The following MTMR10 variants were observed in gnomAD, a reference collection of about 807,000 sequenced individuals.
MTMR10 encodes the protein myotubularin related protein 10.
Under a neutral mutation model 88.1 loss-of-function variants are expected in MTMR10, and 56 were observed. The observed-to-expected ratio is 0.64, with a 90% CI of 0.51 to 0.79. The LOEUF is 0.79. MTMR10 is among the 30% of genes least tolerant of loss of function. The pLI, the probability that MTMR10 is intolerant of heterozygous loss-of-function variation, is 0.00. For synonymous variants in MTMR10, 380 were observed against 340.9 expected (o/e 1.11, Z -1.26); for missense variants, 883 against 924.7 (o/e 0.95, Z 0.58).
chr15:30,937,128 G>A (rs1566937179), downstream of MTMR10: 1 of 1,608,730 alleles, frequency 6.2e-7, no homozygotes, highest in South Asian at 1.1e-5. Context: ...GCTGGTGGAA[G>A]TTAAAGGCCC....
rs1481980673 is a variant in MTMR10, at chr15:30,974,440, C to T, written c.348G>A (p.Arg116=). The T allele has an allele frequency of 6.5e-7, 1 of 1,545,384 alleles. No individual in the cohort carries two copies. The highest frequency in any genetic ancestry group is 1.9e-5 in the Admixed American group (1 of 51,468). ...GGTTGGGGCCTAGGACTTTCTGCTT[C>T]CTCTTGTGGTCGTTTACTAAAAAAG... ...EQIVTVNDHK[R]KQKVLGPNQK... Residue 116 remains arginine, a synonymous_variant, in exon 5 of 16, where the codon AGG becomes AGA. Transcript: ENST00000435680.
chr15:30,981,413 G>T (rs1052768020), intron 2 of MTMR10, among the ~76,000 whole-genome samples: 5 of 152,118 alleles, frequency 3.3e-5, no homozygotes, highest in African/African-American at 1.2e-4. Context: ...TTGATGTCTT[G>T]TGCCTGCTCA....
At position 30,939,118 on chromosome 15, in the gene MTMR10, A is replaced by G. The variant is rs774278582; in HGVS notation, c.*2352T>C. On this transcript the variant is annotated 3_prime_UTR_variant, in exon 16 of 16. Transcript: ENST00000435680. ...TTTAACCACTTGAGGTTACTACTGC[A>G]GCAAGCAGATTTTGTTGACAAATGT... The G allele has an allele frequency of 2.4e-5, 24 of 985,360 alleles. No individual in the cohort carries two copies. The highest frequency in any genetic ancestry group is 2.5e-5 in the Non-Finnish European group (21 of 829,932). The allele number at this position is 985,360 out of a possible 1,614,324, so 61.0% of individuals were successfully genotyped here.
chr15:30,976,470 G>C (rs1194447168), intron 3 of MTMR10, among the ~76,000 whole-genome samples: 58 of 152,042 alleles, frequency 3.8e-4, no homozygotes, highest in Non-Finnish European at 7.4e-5. Context: ...AAAATGTGTG[G>C]CATTTATAAA....
intron 13 of MTMR10, among the ~76,000 whole-genome samples, 152 bp from the exon 14 acceptor site, chr15:30,947,452 T>C (rs572256401): frequency 6.6e-6 from 1 of 152,252 alleles, no homozygotes; most frequent in Non-Finnish European, 1.5e-5. Context: ...TATACACATC[T>C]ATCAAACCCA....
In MTMR10 at chr15:30,979,402, A is replaced by C. The variant is rs544247764; in HGVS notation, c.122-2447T>G. 3.9e-5 allele frequency among the ~76,000 whole-genome samples: 6 copies of C among 152,136 alleles called. No homozygotes were observed. In the East Asian group the frequency reaches 1.2e-3, roughly 29 times the overall value. ...TGGTGAAACCCATCTCTATTAAAAA[A>C]AAAAAAAATTTAGCCAGGCGTGGTG... On this transcript the variant is annotated intron_variant, in intron 2 of 15. Coordinates refer to ENST00000435680, the MANE Select transcript of MTMR10 (RefSeq NM_017762.3).
intron 12 of MTMR10, 39 bp downstream of exon 12, chr15:30,951,929 T>C (rs762705141): frequency 6.4e-7 from 1 of 1,550,706 alleles, no homozygotes; most frequent in Non-Finnish European, 8.9e-7. Context: ...GGCTGGCTGG[T>C]ATGGTGGTCA....
At chr15:30,963,650 CAGAT>C (rs1293547873) in intron 6 of MTMR10, among the ~76,000 whole-genome samples, 7 of 147,846 alleles carry the variant, frequency 4.7e-5, no homozygotes, top group South Asian at 4.5e-4. Flanking sequence ...AATAAATAGA[CAGAT>C]AGATAGATAG....
chr15:30,936,885 C>T (rs776358155), downstream of MTMR10, among the ~76,000 whole-genome samples: 4 of 152,110 alleles, frequency 2.6e-5, no homozygotes, highest in Non-Finnish European at 5.9e-5. Context: ...AAGATCAACA[C>T]TCAGAGTATG....
At chr15:30,970,615 C>T (rs544262128) in intron 5 of MTMR10, among the ~76,000 whole-genome samples, 279 of 152,282 alleles carry the variant, frequency 1.8e-3, no homozygotes, top group Non-Finnish European at 3.1e-3. Flanking sequence ...CTATCACATT[C>T]TCCAAAACAA....
At chr15:30,937,082 A>G, downstream of MTMR10, 1 of 1,580,638 alleles carries the variant, frequency 6.3e-7, no homozygotes, top group Admixed American at 1.8e-5. Context: ...TCATTCAGTA[A>G]GATACTAATA....
At chr15:30,962,105 T>G (rs1370134748) in intron 6 of MTMR10, among the ~76,000 whole-genome samples, 1 of 152,230 alleles carries the variant, frequency 6.6e-6, no homozygotes. Flanking sequence ...TGTTCTTTGC[T>G]AGAGTGCTGT....
At chr15:30,978,812 T>G (rs2030347514) in intron 2 of MTMR10, among the ~76,000 whole-genome samples, 1 of 152,188 alleles carries the variant, frequency 6.6e-6, no homozygotes, top group South Asian at 2.1e-4. Context: ...TTAAATGTAC[T>G]GCAGTGTAGC....
At chr15:30,925,230 G>C in the MTMR10 span, 1 of 1,614,130 alleles carries the variant, frequency 6.2e-7, no homozygotes, top group Non-Finnish European at 8.5e-7. Flanking sequence ...TCTCCGAGCT[G>C]TAAAAAGTTC....
rs186418869 is a variant in MTMR10 at position 30,941,528 on chromosome 15, T to C, written c.2276A>G (p.Lys759Arg). Residue 759 changes from lysine to arginine, a missense_variant, in exon 16 of 16, where the codon AAA becomes AGA. Transcript: ENST00000435680. ...RRSILGTPLS[K>R]FLSGAKIWLS... Reference sequence around the variant, plus strand: ...CCATATTTTGGCCCCACTTAAAAATTTGCTTAATGGTGTTCCTAAAATGCT... The same window carrying C: ...CCATATTTTGGCCCCACTTAAAAATCTGCTTAATGGTGTTCCTAAAATGCT... 637 of 1,610,478 alleles carry C rather than the reference T, an allele frequency of 4.0e-4. 1 individual carries two copies. The highest frequency in any genetic ancestry group is 5.1e-4 in the Non-Finnish European group (603 of 1,178,126).
downstream of MTMR10, among the ~76,000 whole-genome samples, chr15:30,937,878 G>GT (rs959120094): frequency 1.1e-4 from 17 of 150,910 alleles, no homozygotes; most frequent in South Asian, 8.6e-4. Context: ...TCATCTTTAG[G>GT]TTTTTTTTAT....
chr15:30,976,581 T>A (rs149466742), intron 3 of MTMR10, among the ~76,000 whole-genome samples: 1 of 152,240 alleles, frequency 6.6e-6, no homozygotes, highest in Non-Finnish European at 1.5e-5. Flanking sequence ...GGACATATAA[T>A]GAACGATCAC....
chr15:30,935,383 C>A (rs142973487), downstream of MTMR10, among the ~76,000 whole-genome samples: 10 of 152,148 alleles, frequency 6.6e-5, no homozygotes, highest in South Asian at 2.1e-4. Flanking sequence ...CAGTAGTTAG[C>A]CCTCTGTATC....
the MTMR10 span, among the ~76,000 whole-genome samples, chr15:30,923,680 C>A: frequency 6.6e-6 from 1 of 152,260 alleles, no homozygotes; most frequent in South Asian, 2.1e-4. Flanking sequence ...CAGGCTGCCG[C>A]TGCCCGGCAC....
Sources: gnomAD v4.1 joint callset for allele counts (sites outside exome capture counted in the v4.1 genomes callset) on GRCh38, gnomAD v4.1.1 for gene constraint, MANE v1.5 for transcripts, NCBI Gene and HGNC (gene_info 2026-07-23, HGNC 2026-07-21) for gene names.